Variants in NOX5 observed in about 807,000 individuals in gnomAD.
NOX5 encodes the protein NADPH oxidase 5.
A neutral mutation model predicts 85.7 loss-of-function variants in NOX5; 76 were observed. The ratio of observed to expected loss-of-function variants is 0.89; its 90% CI spans 0.74 to 1.07. NOX5 has a LOEUF of 1.07. NOX5 is among the 50% of genes least tolerant of loss of function. The pLI is 0.00. For missense variants in NOX5, 973 were observed against 999.5 expected (o/e 0.97, Z 0.36); for synonymous variants, 405 against 401.4 (o/e 1.01, Z -0.11).
Position 69,048,000 on chromosome 15 carries a change from G to C in NOX5, c.1899+89G>C, listed in dbSNP as rs183453444. ...AGCCCATCCTCCTGTGCAAAGGTGG[G>C]AGCGGATAGGTGATCCCTAATGGGA... On this transcript the variant is annotated intron_variant, in intron 13 of 15. Coordinates refer to ENST00000388866, the MANE Select transcript of NOX5 (RefSeq NM_024505.4). 292 of 1,135,846 alleles carry C rather than the reference G, an allele frequency of 2.6e-4. No homozygotes were observed. The African/African-American group carries it at 4.1e-3, about 16-fold the overall frequency. The allele number at this position is 1,135,846 out of a possible 1,614,324, so 70.4% of individuals were successfully genotyped here. A position where few individuals can be genotyped will look rare whatever the true frequency, so the allele number is the denominator to read the frequency against.
At chr15:69,015,424 C>A (rs374885158) in intron 1 of NOX5, among the ~76,000 whole-genome samples, 1 of 152,288 alleles carries the variant, frequency 6.6e-6, no homozygotes, top group Admixed American at 6.5e-5. Flanking sequence ...GCCTTCCCTG[C>A]GTTAGCACTT....
At chr15:69,054,186 A>G (rs151120727) in intron 14 of NOX5, among the ~76,000 whole-genome samples, 33 of 152,166 alleles carry the variant, frequency 2.2e-4, no homozygotes, top group African/African-American at 8.0e-4. Context: ...GCACTCACCA[A>G]TCTTTTTCTC....
intron 1 of NOX5, 137 bp from the exon 2 acceptor site, chr15:69,026,391 C>T (rs2050358250): frequency 9.8e-7 from 1 of 1,021,130 alleles, no homozygotes; most frequent in African/African-American, 1.6e-5. Flanking sequence ...AATCCACAGC[C>T]AGAACTGATT....
At position 69,056,703 on chromosome 15, in the gene NOX5, C is replaced by T; in HGVS notation, c.*7C>T. The T allele has an allele frequency of 6.2e-7, 1 of 1,613,134 alleles. No individual in the cohort carries two copies. Among genetic ancestry groups the T allele is most frequent in the South Asian group, 1.1e-5 (1 of 90,986 alleles). ...TTTCCAAGAGAATTTCTAGCCTCAC[C>T]TCTCCAAGCTCTGCCCCAAGTCCAC... On this transcript the variant is annotated 3_prime_UTR_variant, in exon 16 of 16. Coordinates refer to ENST00000388866, the MANE Select transcript of NOX5 (RefSeq NM_024505.4).
At position 69,042,744 on chromosome 15, in the gene NOX5, G is replaced by T. The variant is rs774373542; in HGVS notation, c.1586G>T (p.Gly529Val). 6 of 1,614,154 alleles carry T rather than the reference G, an allele frequency of 3.7e-6. No homozygotes were observed. Among genetic ancestry groups the T allele is most frequent in the Non-Finnish European group, 4.2e-6 (5 of 1,180,002 alleles). Residue 529 changes from glycine to valine, a missense_variant, in exon 10 of 16, where the codon GGC becomes GTC. Gly to Val is a moderately radical substitution (Grantham distance 109, BLOSUM62 -3). Transcript: ENST00000388866. ...YESFKASDPL[G>V]RGSKRLSRSV... Reference sequence around the variant, plus strand: ...TCCTTCAAGGCATCAGACCCACTGGGCCGTGGTTCTAAGAGGCTGTCGAGG... The same window carrying T: ...TCCTTCAAGGCATCAGACCCACTGGTCCGTGGTTCTAAGAGGCTGTCGAGG...
chr15:69,062,625 C>G lies in NOX5; in HGVS notation c.*5929C>G, dbSNP rs1216115607. 6.6e-6 allele frequency: 1 copy of G among 152,218 alleles called. No homozygotes were observed. The highest frequency in any genetic ancestry group is 2.4e-5 in the African/African-American group (1 of 41,450). The allele number at this position is 152,218 out of a possible 1,614,324, so 9.4% of individuals were successfully genotyped here. On this transcript the variant is annotated 3_prime_UTR_variant, in exon 16 of 16. Transcript: ENST00000388866. ...CACCTCCAAGCCTTTGCTTCTGCAT[C>G]GCCTGACACTTGGAGCACCCTTCTC...
Position 69,031,708 on chromosome 15 carries a change from G to T in NOX5, c.516G>T (p.Ala172=). 1.2e-6 allele frequency: 2 copies of T among 1,613,108 alleles called. No individual in the cohort carries two copies. Among genetic ancestry groups the T allele is most frequent in the East Asian group, 2.2e-5 (1 of 44,874 alleles). The change falls in exon 4 of 16, where the codon GCG becomes GCT. Residue 172 remains alanine, a synonymous_variant. Transcript: ENST00000388866. The stretch of plus-strand genomic sequence containing the variant: ...AGAAGCTGGACCAGCTGACGCTGGC[G>T]CTCTTCGAATCGGCCGACGCGGACG... ...PDEKLDQLTL[A]LFESADADGN...
intron 15 of NOX5, 71 bp from the exon 16 acceptor site, chr15:69,056,494 G>C (rs1378038578): frequency 1.9e-6 from 3 of 1,578,138 alleles, no homozygotes; most frequent in Non-Finnish European, 2.6e-6. Context: ...ACCTCCAGGT[G>C]GTTGTGTCAC....
Position 69,035,931 on chromosome 15 carries a change from T to C in NOX5, c.1183T>C (p.Phe395Leu). 1 of 1,614,106 alleles carries C rather than the reference T, an allele frequency of 6.2e-7. No homozygotes were observed. Among genetic ancestry groups the C allele is most frequent in the Non-Finnish European group, 8.5e-7 (1 of 1,179,964 alleles). Residue 395 changes from phenylalanine (F) to leucine (L), a missense_variant, in exon 7 of 16, where the codon TTT (phenylalanine) becomes CTT (leucine). Physicochemically the swap from Phe to Leu is conservative, Grantham distance 22. Coordinates refer to ENST00000388866, the MANE Select transcript of NOX5 (RefSeq NM_024505.4). ...SSSCIRRSGH[F>L]EVFYWTHLSY... is the part of the protein sequence containing the mutation. ...TTCCTGCATCCGCAGGAGTGGCCACTTTGAGGTGCCCCAGTTGCTGCCCTT... is the reference window on the plus strand; with the variant it reads ...TTCCTGCATCCGCAGGAGTGGCCACCTTGAGGTGCCCCAGTTGCTGCCCTT...
At position 69,047,847 on chromosome 15, in the gene NOX5, A is replaced by G; in HGVS notation, c.1835A>G (p.His612Arg). The change falls in exon 13 of 16, where the codon CAT becomes CGT. Residue 612 changes from histidine (H) to arginine (R), a missense_variant. His to Arg is a conservative substitution (Grantham distance 29, BLOSUM62 0). Transcript: ENST00000388866. ...SIMYRHQKRK[H>R]TCPSCQHSWI... ...CCCCTCAGGCACCAGAAAAGAAAGC[A>G]TACTTGCCCCAGCTGCCAGCACTCC... 2 of 1,614,118 alleles carry G rather than the reference A, an allele frequency of 1.2e-6. No individual in the cohort carries two copies. The highest frequency in any genetic ancestry group is 2.2e-5 in the East Asian group (1 of 44,846).
intron 2 of NOX5, 62 bp downstream of exon 2, chr15:69,026,713 A>G (rs1934085647): frequency 2.5e-6 from 4 of 1,608,558 alleles, no homozygotes; most frequent in African/African-American, 1.3e-5. Flanking sequence ...TTCTCAGGGC[A>G]TAGCCCTTAC....
rs1460324592 is a variant in NOX5, at chr15:69,035,481, A to C, written c.983A>C (p.His328Pro). 5.6e-6 allele frequency: 9 copies of C among 1,614,004 alleles called. No homozygotes were observed. The highest frequency in any genetic ancestry group is 6.8e-6 in the Non-Finnish European group (8 of 1,179,996). ...GYVVVGLSLV[H>P]TVAHTVNFVL... ...GTGGTAGTGGGGCTGTCCCTCGTGCACACCGTGGCTCACACTGTGAACTTT... is the reference window on the plus strand; with the variant it reads ...GTGGTAGTGGGGCTGTCCCTCGTGCCCACCGTGGCTCACACTGTGAACTTT... The change falls in exon 6 of 16, where the codon CAC (histidine) becomes CCC (proline). Residue 328 changes from histidine to proline, a missense_variant. Transcript: ENST00000388866.
chr15:69,033,001 G>C (rs878897061), intron 4 of NOX5, 42 bp from the exon 5 acceptor site: 2 of 1,521,518 alleles, frequency 1.3e-6, no homozygotes, highest in Non-Finnish European at 1.7e-6. Flanking sequence ...GGTGGTCCCC[G>C]CCCCACCGCT....
intron 13 of NOX5, among the ~76,000 whole-genome samples, chr15:69,048,129 G>C (rs1007346907): frequency 1.1e-4 from 16 of 152,236 alleles, no homozygotes; most frequent in African/African-American, 3.9e-4. Context: ...TCACTTCTGA[G>C]AGATGTTCTT....
rs979407661 is a variant in NOX5 at position 69,057,482 on chromosome 15, C to T, written c.*786C>T. 1 of 152,284 alleles carries T rather than the reference C, an allele frequency of 6.6e-6. No individual in the cohort carries two copies. Among genetic ancestry groups the T allele is most frequent in the African/African-American group, 2.4e-5 (1 of 41,458 alleles). The allele number at this position is 152,284 out of a possible 1,614,324, so 9.4% of individuals were successfully genotyped here. On this transcript the variant is annotated 3_prime_UTR_variant, in exon 16 of 16. Coordinates refer to ENST00000388866, the MANE Select transcript of NOX5 (RefSeq NM_024505.4). ...TGTCTTTGTCTCCCCATCTCCCTCT[C>T]TCCTGGCGCGTCCCTCAGAGCCTCT...
intron 14 of NOX5, among the ~76,000 whole-genome samples, chr15:69,051,985 A>G (rs77425808): frequency 0.012 from 1,753 of 152,228 alleles, 14 homozygotes; most frequent in Non-Finnish European, 0.016. Flanking sequence ...AGGCCAAGGT[A>G]GGAATATTGC....
chr15:69,045,594 CTTTCT>C (rs904223097), intron 10 of NOX5, among the ~76,000 whole-genome samples: 13 of 113,706 alleles, frequency 1.1e-4, no homozygotes, highest in African/African-American at 3.7e-4. Flanking sequence ...TTCTTTCTTT[CTTTCT>C]TTTTTTTTTC....
chr15:69,031,924 C>A, intron 4 of NOX5, 112 bp downstream of exon 4: 5 of 1,150,096 alleles, frequency 4.3e-6, no homozygotes, highest in Non-Finnish European at 6.1e-6. Flanking sequence ...CCCTGCCCCG[C>A]CCCTCCCCAG....
At chr15:69,023,536 G>A (rs374248784) in intron 1 of NOX5, 5 of 306,508 alleles carry the variant, frequency 1.6e-5, no homozygotes, top group South Asian at 3.1e-5. Flanking sequence ...GCAGTGTGTC[G>A]GTCATAGAGC....
Sources: gnomAD v4.1 joint callset for allele counts (sites outside exome capture counted in the v4.1 genomes callset) on GRCh38, gnomAD v4.1.1 for gene constraint, MANE v1.5 for transcripts, NCBI Gene and HGNC (gene_info 2026-07-23, HGNC 2026-07-21) for gene names.